Variants in KALRN observed in about 807,000 individuals in gnomAD.
KALRN encodes the protein kalirin RhoGEF kinase.
Under a neutral mutation model 353.7 loss-of-function variants are expected in KALRN, and 70 were observed. That is an observed-to-expected ratio of 0.20 (90% CI 0.16 to 0.24). The LOEUF (loss-of-function observed/expected upper bound fraction) is 0.24, where lower values mean the gene tolerates loss of function less well. Among genes scored for constraint, KALRN ranks in the 10% least tolerant of loss-of-function variants. The pLI is 1.00. For synonymous variants in KALRN, 1,391 were observed against 1,434.8 expected (o/e 0.97, Z 0.69); for missense variants, 2,791 against 3,756.7 (o/e 0.74, Z 6.72).
chr3:124,142,328 G>A (rs1461116775), intron 1 of KALRN, among the ~76,000 whole-genome samples: 1 of 152,184 alleles, frequency 6.6e-6, no homozygotes, highest in East Asian at 1.9e-4. Flanking sequence ...GTCTGTCTCT[G>A]TACCCAGCCA....
In KALRN at chr3:124,322,325, A is replaced by G. The variant is rs146937028; in HGVS notation, c.1093-3655A>G. 6.8e-3 allele frequency among the ~76,000 whole-genome samples: 1,042 copies of G among 152,312 alleles called. 8 individuals are homozygous for G. Among genetic ancestry groups the G allele is most frequent in the Non-Finnish European group, 0.01 (702 of 68,026 alleles). On this transcript the variant is annotated intron_variant, in intron 6 of 59. Transcript: ENST00000682506. ...GATCATTAGGTCGACTCCCTCACAG[A>G]TGAGGAAACTGAGGCACAGAGAAGT...
chr3:124,547,662 G>T (rs2069867133), intron 33 of KALRN, among the ~76,000 whole-genome samples: 1 of 152,112 alleles, frequency 6.6e-6, no homozygotes, highest in African/African-American at 2.4e-5. Flanking sequence ...TGTAGCTAAA[G>T]TCCCAGGAGA....
rs568219815 is a variant in KALRN, at chr3:124,295,090, A to G, written c.970-3701A>G. 1.4e-4 allele frequency among the ~76,000 whole-genome samples: 22 copies of G among 152,332 alleles called. No individual in the cohort carries two copies. The South Asian group carries it at 3.9e-3, about 27-fold the overall frequency. ...GCCAGTTCCACTGAATGTAACAGAG[A>G]TGACTATGAACCTTGCAGACAGCCA... On this transcript the variant is annotated intron_variant, in intron 5 of 59. Transcript: ENST00000682506.
At chr3:124,402,182 G>A (rs1278735898) in intron 13 of KALRN, among the ~76,000 whole-genome samples, 1 of 152,186 alleles carries the variant, frequency 6.6e-6, no homozygotes, top group East Asian at 1.9e-4. Flanking sequence ...GATAGCACAT[G>A]AGCTGCTGCA....
chr3:124,719,272 A>G lies in KALRN; in HGVS notation c.8763A>G (p.Glu2921=). The change falls in exon 60 of 60, where the codon GAA becomes GAG. Residue 2921 remains glutamate (E), a synonymous_variant. Transcript: ENST00000682506. The surrounding 1 kb of genome is among the most constrained non-coding windows in gnomAD (Gnocchi z 5.3). The part of the protein sequence containing the change: ...ARDFINVILQ[E]DFRRRPTAAT... ...ATTTCATCAATGTGATCTTACAGGAAGATTTTCGGAGGCGGCCCACAGCAG... is the reference window on the plus strand; with the variant it reads ...ATTTCATCAATGTGATCTTACAGGAGGATTTTCGGAGGCGGCCCACAGCAG... The G allele has an allele frequency of 6.2e-7, 1 of 1,614,202 alleles. No homozygotes were observed. The highest frequency in any genetic ancestry group is 2.2e-5 in the East Asian group (1 of 44,886).
At chr3:124,415,350 A>G (rs368995381) in intron 14 of KALRN, among the ~76,000 whole-genome samples, 2 of 152,246 alleles carry the variant, frequency 1.3e-5, no homozygotes, top group African/African-American at 4.8e-5. Flanking sequence ...TTTATTCGTG[A>G]TAATTAAATC....
At chr3:124,252,646 A>G (rs1408084618) in intron 3 of KALRN, among the ~76,000 whole-genome samples, 1 of 152,228 alleles carries the variant, frequency 6.6e-6, no homozygotes. Flanking sequence ...TTGGAATAAT[A>G]ACCTGGGTAA....
At chr3:124,092,619 A>C (rs945187573) in intron 1 of KALRN, among the ~76,000 whole-genome samples, 4 of 152,176 alleles carry the variant, frequency 2.6e-5, no homozygotes, top group African/African-American at 9.7e-5. Flanking sequence ...CCCTACTGTG[A>C]GGGCTCCCGT....
At chr3:124,382,914 G>A (rs931144062) in intron 10 of KALRN, among the ~76,000 whole-genome samples, 8 of 151,668 alleles carry the variant, frequency 5.3e-5, no homozygotes, top group Admixed American at 3.3e-4. Flanking sequence ...ATGAGTGGAT[G>A]ACTTCCTTCA....
intron 15 of KALRN, among the ~76,000 whole-genome samples, chr3:124,428,988 G>A (rs1224811879): frequency 6.6e-6 from 1 of 152,144 alleles, no homozygotes; most frequent in South Asian, 2.1e-4. Flanking sequence ...CATGGCAGAG[G>A]GACACTGTGA....
intron 1 of KALRN, among the ~76,000 whole-genome samples, chr3:124,138,581 C>T (rs2066228627): frequency 6.6e-6 from 1 of 152,232 alleles, no homozygotes; most frequent in South Asian, 2.1e-4. Context: ...AAGAAAGCCA[C>T]TGAGGCCAGA....
intron 34 of KALRN, among the ~76,000 whole-genome samples, chr3:124,564,204 CAAAAAAAAA>C (rs58917238): frequency 2.0e-3 from 148 of 73,940 alleles, no homozygotes; most frequent in African/African-American, 6.6e-3. Flanking sequence ...AACTCCGTCT[CAAAAAAAAA>C]AAAAAAAAAA....
chr3:124,277,996 A>ATGGCTGTG (rs2074938462), intron 5 of KALRN, among the ~76,000 whole-genome samples: 1 of 146,116 alleles, frequency 6.8e-6, no homozygotes, highest in Non-Finnish European at 1.5e-5. Flanking sequence ...GAGATGAACT[A>ATGGCTGTG]TGTGTGTGTG....
intron 9 of KALRN, among the ~76,000 whole-genome samples, chr3:124,341,382 C>T (rs939618354): frequency 2.0e-5 from 3 of 152,204 alleles, no homozygotes; most frequent in Non-Finnish European, 4.4e-5. Flanking sequence ...GCCACATATG[C>T]ACGTGGCAAT....
intron 34 of KALRN, among the ~76,000 whole-genome samples, chr3:124,625,713 C>A (rs1264756099): frequency 7.0e-6 from 1 of 143,292 alleles, no homozygotes; most frequent in Non-Finnish European, 1.5e-5. Context: ...TCTCTATATC[C>A]CCATATGCCC....
In KALRN at chr3:124,131,787, T is replaced by TGTGGCCAAGTGAACA. The variant is rs550661512; in HGVS notation, c.74-96199_74-96185dup. Among the ~76,000 whole-genome samples the TGTGGCCAAGTGAACA allele has an allele frequency of 2.4e-4, 37 of 152,322 alleles. No homozygotes were observed. The East Asian group carries it at 7.0e-3, about 29-fold the overall frequency. ...TTTCCAGGTGAAGCCCTTGGACTACTGTGGCCAAGTGAACAGTGCCCTGTT... is the reference window on the plus strand; with the variant it reads ...TTTCCAGGTGAAGCCCTTGGACTACTGTGGCCAAGTGAACAGTGGCCAAGTGAACAGTGCCCTGTT... On this transcript the variant is annotated intron_variant, in intron 1 of 59. Transcript: ENST00000682506.
At chr3:124,449,890 T>C (rs1345062968) in intron 21 of KALRN, among the ~76,000 whole-genome samples, 1 of 152,238 alleles carries the variant, frequency 6.6e-6, no homozygotes. Flanking sequence ...TGTCCTATTA[T>C]TGCTAAATAG....
At chr3:124,312,158 CCATTTCATTT>C (rs908951426) in intron 6 of KALRN, among the ~76,000 whole-genome samples, 8 of 152,098 alleles carry the variant, frequency 5.3e-5, no homozygotes, top group Non-Finnish European at 8.8e-5. Context: ...TTATTTCATT[CCATTTCATTT>C]CATTTCATTT....
chr3:124,326,213 G>T, intron 7 of KALRN, 42 bp downstream of exon 7: 1 of 1,566,928 alleles, frequency 6.4e-7, no homozygotes, highest in Non-Finnish European at 8.7e-7. Context: ...TGGTAGGAAG[G>T]GTTGGGCATG....
Sources: gnomAD v4.1 joint callset for allele counts (sites outside exome capture counted in the v4.1 genomes callset) on GRCh38, gnomAD v4.1.1 for gene constraint, Gnocchi (gnomAD v3.1) non-coding constraint, MANE v1.5 for transcripts, NCBI Gene and HGNC (gene_info 2026-07-23, HGNC 2026-07-21) for gene names.